Variants in GDNF observed in about 807,000 individuals in gnomAD.
GDNF encodes glial cell derived neurotrophic factor.
GDNF carries 5 observed loss-of-function variants against 13.7 expected under a neutral mutation model. The ratio of observed to expected loss-of-function variants is 0.36; its 90% confidence interval spans 0.19 to 0.77. The LOEUF is 0.77. Among genes scored for constraint, GDNF ranks in the 30% least tolerant of loss-of-function variants. The pLI is 0.51. For synonymous variants in GDNF, 122 were observed against 112.5 expected, an observed-to-expected ratio of 1.08 and a Z score of -0.53; for missense variants, 246 against 274.3, an observed-to-expected ratio of 0.90 and a Z score of 0.73.
intron 2 of GDNF, among the ~76,000 whole-genome samples, chr5:37,833,885 G>A (rs1287850212): frequency 6.6e-6 from 1 of 152,206 alleles, no homozygotes; most frequent in East Asian, 1.9e-4. Flanking sequence ...CATCACAGCT[G>A]ATATGCCCTA....
rs568060850 is a variant in GDNF at position 37,823,818 on chromosome 5, A to G, written c.152-7683T>C. ...GGGCCTTTTCCAGCTCCAAAATGCT[A>G]AAGTGTGGAGAGTCTAAGTCTTGGC... On this transcript the variant is annotated intron_variant, in intron 2 of 2. Coordinates refer to ENST00000326524, the MANE Select transcript of GDNF (RefSeq NM_000514.4). Among the ~76,000 whole-genome samples the G allele has an allele frequency of 5.9e-5, 9 of 152,306 alleles. No homozygotes were observed. In the East Asian group the frequency reaches 7.7e-4, roughly 13 times the overall value.
intron 2 of GDNF, among the ~76,000 whole-genome samples, chr5:37,829,536 G>A (rs1416503544): frequency 3.9e-5 from 6 of 152,142 alleles, no homozygotes; most frequent in Admixed American, 2.6e-4. Flanking sequence ...TTTTGAGGCC[G>A]CATGGCACCC....
chr5:37,815,621 T>A lies in GDNF; in HGVS notation c.*30A>T. 1 of 1,605,426 alleles carries A rather than the reference T, an allele frequency of 6.2e-7. No individual in the cohort carries two copies. Among genetic ancestry groups the A allele is most frequent in the Non-Finnish European group, 8.5e-7 (1 of 1,172,140 alleles). On this transcript the variant is annotated 3_prime_UTR_variant, in exon 3 of 3. Transcript: ENST00000326524. The surrounding 1 kb of genome is among the most constrained non-coding windows in gnomAD (Gnocchi z 5.0). The stretch of plus-strand genomic sequence containing the variant: ...CCCTTTCTTTGCACTGTAGCAGGAA[T>A]GCAATACACAGCAGTCTCTGGAGCC...
rs531586190 is a variant in GDNF, at chr5:37,837,427, G to T, written c.-27+2080C>A. The stretch of plus-strand genomic sequence containing the variant: ...GGTCCGGGACCACCACGTCCCGGCA[G>T]GGCAAAAGCAGCAGGCCGTGGGCGC... On this transcript the variant is annotated intron_variant, in intron 1 of 2. Coordinates refer to ENST00000326524, the MANE Select transcript of GDNF (RefSeq NM_000514.4). The surrounding 1 kb of genome is among the most constrained non-coding windows in gnomAD (Gnocchi z 6.5). Among the ~76,000 whole-genome samples, 1 of 152,022 alleles carries T rather than the reference G, an allele frequency of 6.6e-6. No individual in the cohort carries two copies. The highest frequency in any genetic ancestry group is 2.1e-4 in the South Asian group (1 of 4,822).
intron 2 of GDNF, among the ~76,000 whole-genome samples, chr5:37,832,466 C>T (rs183578476): frequency 6.6e-6 from 1 of 152,290 alleles, no homozygotes; most frequent in East Asian, 1.9e-4. Context: ...TAGAATGCAG[C>T]TCAGTTTCTC....
At chr5:37,821,399 T>G (rs992709511) in intron 2 of GDNF, among the ~76,000 whole-genome samples, 17 of 152,190 alleles carry the variant, frequency 1.1e-4, no homozygotes, top group Admixed American at 7.2e-4. Context: ...ATTTATTAAC[T>G]TTAATAGTGA....
At chr5:37,835,312 A>C in intron 1 of GDNF, 1 of 529,100 alleles carries the variant, frequency 1.9e-6, no homozygotes, top group Non-Finnish European at 3.0e-6. Flanking sequence ...TTCTCTTTGG[A>C]AATAAAATCA....
intron 2 of GDNF, among the ~76,000 whole-genome samples, chr5:37,825,051 TG>T (rs1750259956): frequency 6.6e-6 from 1 of 152,214 alleles, no homozygotes; most frequent in African/African-American, 2.4e-5. Context: ...AAAGAAGCTA[TG>T]GGTGTACTTA....
intron 1 of GDNF, chr5:37,835,482 G>T: frequency 6.8e-7 from 1 of 1,479,344 alleles, no homozygotes; most frequent in Non-Finnish European, 9.0e-7. Flanking sequence ...GGAGACTTTT[G>T]GCCTGTATGG....
At chr5:37,821,774 G>A (rs1363289117) in intron 2 of GDNF, among the ~76,000 whole-genome samples, 3 of 152,204 alleles carry the variant, frequency 2.0e-5, no homozygotes, top group Non-Finnish European at 4.4e-5. Flanking sequence ...ACAAAGGACT[G>A]AGATAGTGAC....
intron 2 of GDNF, among the ~76,000 whole-genome samples, chr5:37,832,708 A>G (rs1249570681): frequency 6.6e-6 from 1 of 152,198 alleles, no homozygotes; most frequent in Non-Finnish European, 1.5e-5. Context: ...TGTACCTTAT[A>G]TGAGCCAAAG....
At chr5:37,821,201 A>G (rs139081390) in intron 2 of GDNF, among the ~76,000 whole-genome samples, 1 of 152,294 alleles carries the variant, frequency 6.6e-6, no homozygotes, top group Non-Finnish European at 1.5e-5. Flanking sequence ...CACCCAGCCC[A>G]GACAAGAAAC....
chr5:37,831,960 A>G, intron 2 of GDNF, among the ~76,000 whole-genome samples: 1 of 152,372 alleles, frequency 6.6e-6, no homozygotes, highest in East Asian at 1.9e-4. Context: ...TGAGCCATTT[A>G]CTTTACAGCC....
chr5:37,834,446 CGT>C (rs1405507127), intron 2 of GDNF, among the ~76,000 whole-genome samples, 198 bp downstream of exon 2: 3 of 152,168 alleles, frequency 2.0e-5, no homozygotes, highest in African/African-American at 4.8e-5. Context: ...CAAACCAGCG[CGT>C]GTCACTTTCA....
At chr5:37,835,507 G>T in intron 1 of GDNF, 1 of 1,497,994 alleles carries the variant, frequency 6.7e-7, no homozygotes, top group Non-Finnish European at 9.0e-7. Flanking sequence ...TCTGGTTTAA[G>T]TTACTTAACT....
At chr5:37,821,647 T>C (rs1254778073) in intron 2 of GDNF, among the ~76,000 whole-genome samples, 1 of 152,206 alleles carries the variant, frequency 6.6e-6, no homozygotes, top group African/African-American at 2.4e-5. Context: ...GTATAAATAG[T>C]GTTACTTAAA....
At chr5:37,829,566 A>G (rs1324598081) in intron 2 of GDNF, among the ~76,000 whole-genome samples, 3 of 152,222 alleles carry the variant, frequency 2.0e-5, no homozygotes, top group Non-Finnish European at 4.4e-5. Flanking sequence ...AAGATATTTA[A>G]TATTTGTTTC....
chr5:37,827,176 G>C (rs1750356211), intron 2 of GDNF, among the ~76,000 whole-genome samples: 1 of 150,694 alleles, frequency 6.6e-6, no homozygotes, highest in Admixed American at 6.6e-5. Context: ...AAAGATACCA[G>C]ACAGTCAAAT....
At chr5:37,835,699 C>T in intron 1 of GDNF, 1 of 1,538,710 alleles carries the variant, frequency 6.5e-7, no homozygotes, top group Non-Finnish European at 8.8e-7. Context: ...TACCCGAAAA[C>T]CCTCTCTTGA....
Sources: gnomAD v4.1 joint callset for allele counts (sites outside exome capture counted in the v4.1 genomes callset) on GRCh38, gnomAD v4.1.1 for gene constraint, Gnocchi (gnomAD v3.1) non-coding constraint, MANE v1.5 for transcripts, NCBI Gene and HGNC (gene_info 2026-07-23, HGNC 2026-07-21) for gene names.